SLC8A1: variants seen among roughly 807,000 people sequenced by gnomAD.
SLC8A1 encodes sodium/calcium exchanger 1.
In SLC8A1, 18 loss-of-function variants were observed where a neutral mutation model predicts 68.3. The ratio of observed to expected loss-of-function variants is 0.26; its 90% CI spans 0.18 to 0.39. The LOEUF (loss-of-function observed/expected upper bound fraction) is 0.39, where lower values mean the gene tolerates loss of function less well. Among genes scored for constraint, SLC8A1 ranks in the 10% least tolerant of loss-of-function variants. The probability of loss-of-function intolerance (pLI) is 1.00; values close to 1 mark genes in which losing one functional copy is unlikely to be tolerated. For missense variants in SLC8A1, 985 were observed against 1,156.7 expected (o/e 0.85, Z 2.15); for synonymous variants, 475 against 415.5 (o/e 1.14, Z -1.74).
chr2:40,496,409 A>C (rs539197398), intron 1 of SLC8A1, among the ~76,000 whole-genome samples: 1 of 152,224 alleles, frequency 6.6e-6, no homozygotes, highest in South Asian at 2.1e-4. Flanking sequence ...CACGTATTTC[A>C]AACAGTTGGA....
At chr2:40,199,072 A>G (rs141611053) in intron 2 of SLC8A1, among the ~76,000 whole-genome samples, 5 of 138,166 alleles carry the variant, frequency 3.6e-5, no homozygotes, top group Admixed American at 3.1e-4. Context: ...AGAAAATGCC[A>G]GCTGATATAA....
At chr2:40,124,801 T>C (rs901444057) in intron 7 of SLC8A1, among the ~76,000 whole-genome samples, 2 of 152,250 alleles carry the variant, frequency 1.3e-5, no homozygotes. Context: ...CATGATACTG[T>C]GCAACTGTTA....
chr2:40,166,104 C>T (rs2046507811), intron 4 of SLC8A1, among the ~76,000 whole-genome samples: 2 of 152,130 alleles, frequency 1.3e-5, no homozygotes, highest in Non-Finnish European at 2.9e-5. Context: ...GATGTTTGGT[C>T]CTGGCTTCCT....
intron 2 of SLC8A1, among the ~76,000 whole-genome samples, chr2:40,418,195 G>T (rs924248724): frequency 1.3e-5 from 2 of 151,898 alleles, no homozygotes; most frequent in African/African-American, 4.8e-5. Context: ...ATAAATATCT[G>T]GACTTAATAT....
chr2:40,126,950 C>G (rs1167389310), intron 7 of SLC8A1, among the ~76,000 whole-genome samples: 5 of 152,204 alleles, frequency 3.3e-5, no homozygotes. Flanking sequence ...AAAAGAAATG[C>G]AGAATGGCTT....
At chr2:40,340,822 A>G (rs901235566) in intron 2 of SLC8A1, among the ~76,000 whole-genome samples, 5 of 152,174 alleles carry the variant, frequency 3.3e-5, no homozygotes, top group Non-Finnish European at 7.4e-5. Context: ...GCCTGAGGGT[A>G]AGAAAAAGTT....
intron 1 of SLC8A1, among the ~76,000 whole-genome samples, chr2:40,468,989 T>C (rs774513407): frequency 6.6e-6 from 1 of 152,148 alleles, no homozygotes; most frequent in Non-Finnish European, 1.5e-5. Flanking sequence ...CAGTAAATAT[T>C]TCAATATATG....
At chr2:40,442,587 TA>T (rs1369405318) in intron 1 of SLC8A1, among the ~76,000 whole-genome samples, 6 of 152,212 alleles carry the variant, frequency 3.9e-5, no homozygotes, top group Admixed American at 3.3e-4. Context: ...TGGCAATTAT[TA>T]AAAAGTCAGG....
At chr2:40,280,623 T>C (rs556545304) in intron 2 of SLC8A1, among the ~76,000 whole-genome samples, 24 of 152,202 alleles carry the variant, frequency 1.6e-4, no homozygotes, top group South Asian at 1.2e-3. Flanking sequence ...AAATAAAAGA[T>C]TGAATCCCTG....
exon 8 of SLC8A1, chr2:40,104,940 A>G (rs2034104675): frequency 6.6e-6 from 1 of 151,862 alleles, no homozygotes; most frequent in African/African-American, 2.4e-5. Context: ...ATCTTGTTCC[A>G]GTCACCTTTA....
intron 2 of SLC8A1, among the ~76,000 whole-genome samples, chr2:40,340,285 G>A (rs1667277208): frequency 6.6e-6 from 1 of 152,182 alleles, no homozygotes; most frequent in African/African-American, 2.4e-5. Flanking sequence ...TCAAGGCCAG[G>A]TGCGGTGGCT....
At chr2:40,406,767 A>C (rs544503542) in intron 2 of SLC8A1, among the ~76,000 whole-genome samples, 3 of 152,198 alleles carry the variant, frequency 2.0e-5, no homozygotes, top group African/African-American at 4.8e-5. Context: ...TTGTCAGCTC[A>C]CCCCATTTGT....
chr2:40,139,370 T>C lies in SLC8A1; in HGVS notation c.2437+31A>G, dbSNP rs778436925. The C allele has an allele frequency of 3.7e-6, 6 of 1,609,244 alleles. No homozygotes were observed. In the Admixed American group the frequency reaches 8.4e-5, roughly 22 times the overall value. The stretch of plus-strand genomic sequence containing the variant: ...AAGAAGGCAAATGAACTTCTGCTAC[T>C]GGGGGAATTATACATGAATGTAATT... On this transcript the variant is annotated intron_variant, in intron 7 of 7. Coordinates refer to ENST00000406785, the Ensembl canonical transcript of SLC8A1.
chr2:40,398,771 C>A (rs948362449), intron 2 of SLC8A1, among the ~76,000 whole-genome samples: 2 of 152,076 alleles, frequency 1.3e-5, no homozygotes, highest in Admixed American at 6.6e-5. Context: ...TGTTTTGAAT[C>A]TTCTGCTGTT....
chr2:40,485,773 G>A (rs1031874097), intron 1 of SLC8A1, among the ~76,000 whole-genome samples: 2 of 152,074 alleles, frequency 1.3e-5, no homozygotes, highest in African/African-American at 4.8e-5. Context: ...ACCAATCATG[G>A]AATTTCTAGC....
At chr2:40,203,835 G>T (rs1221535104) in intron 2 of SLC8A1, among the ~76,000 whole-genome samples, 3 of 151,832 alleles carry the variant, frequency 2.0e-5, no homozygotes, top group Admixed American at 6.6e-5. Context: ...CTCTGGAGTA[G>T]CTGGGACTAC....
chr2:40,136,606 C>A (rs1168134305), intron 7 of SLC8A1, among the ~76,000 whole-genome samples: 4 of 152,016 alleles, frequency 2.6e-5, no homozygotes, highest in Non-Finnish European at 5.9e-5. Context: ...AAACGCTGGG[C>A]CCCAGGACTG....
At chr2:40,275,311 A>G (rs1362833306) in intron 2 of SLC8A1, among the ~76,000 whole-genome samples, 2 of 152,246 alleles carry the variant, frequency 1.3e-5, no homozygotes, top group South Asian at 2.1e-4. Flanking sequence ...TTATCTGACC[A>G]AAGGAGAGAA....
chr2:40,444,576 T>C (rs1354863592), intron 1 of SLC8A1, among the ~76,000 whole-genome samples: 2 of 152,184 alleles, frequency 1.3e-5, no homozygotes, highest in Admixed American at 6.5e-5. Flanking sequence ...TCATAATCTA[T>C]ACTGTGTGTG....
Sources: gnomAD v4.1 joint callset for allele counts (sites outside exome capture counted in the v4.1 genomes callset) on GRCh38, gnomAD v4.1.1 for gene constraint, MANE v1.5 for transcripts, NCBI Gene and HGNC (gene_info 2026-07-23, HGNC 2026-07-21) for gene names.